The following FRMPD1 variants were observed in gnomAD, a reference collection of about 807,000 sequenced individuals.
FRMPD1 encodes the protein FERM and PDZ domain-containing protein 1.
FRMPD1 carries 76 observed loss-of-function variants against 117.8 expected under a neutral mutation model. The observed-to-expected ratio is 0.65, with a 90% CI of 0.54 to 0.78. The LOEUF (loss-of-function observed/expected upper bound fraction) is 0.78. Ranked by LOEUF, FRMPD1 falls within the 30% of genes least tolerant of loss-of-function variation. The pLI is 0.00. For missense variants in FRMPD1, 1,786 were observed against 1,964.5 expected, an observed-to-expected ratio of 0.91 and a Z score of 1.72; for synonymous variants, 783 against 770.4, an observed-to-expected ratio of 1.02 and a Z score of -0.27.
chr9:37,712,833 A>G (rs1822961752), intron 5 of FRMPD1, among the ~76,000 whole-genome samples: 2 of 152,360 alleles, frequency 1.3e-5, no homozygotes, highest in Non-Finnish European at 2.9e-5. Flanking sequence ...AATAAAAATT[A>G]AAATATAAAT....
chr9:37,609,020 G>C, the FRMPD1 span, among the ~76,000 whole-genome samples: 1 of 152,208 alleles, frequency 6.6e-6, no homozygotes, highest in East Asian at 1.9e-4. Context: ...GCCGGGCATG[G>C]TGGCTCACGC....
chr9:37,728,962 C>CA lies in FRMPD1; in HGVS notation c.613-749dup, dbSNP rs34287255. On this transcript the variant is annotated intron_variant, in intron 7 of 15. Transcript: ENST00000377765. ...TGGGCGACAGAGCGAGATTCCGTCTCAAAAAAAAAAAAAAAAAGTTTCACT... is the reference window on the plus strand; with the variant it reads ...TGGGCGACAGAGCGAGATTCCGTCTCAAAAAAAAAAAAAAAAAAGTTTCACT... Among the ~76,000 whole-genome samples the CA allele has an allele frequency of 9.5e-3, 1,042 of 109,544 alleles. 18 individuals carry two copies. Among genetic ancestry groups the CA allele is most frequent in the African/African-American group, 0.031 (884 of 28,092 alleles). 71.9% of individuals were successfully genotyped at this position (109,544 alleles called of 152,430 possible).
intron 6 of FRMPD1, among the ~76,000 whole-genome samples, chr9:37,722,551 G>A (rs939267516): frequency 2.0e-5 from 3 of 152,100 alleles, no homozygotes; most frequent in African/African-American, 7.2e-5. Flanking sequence ...GGGACTATGG[G>A]TGTGTGCCAC....
chr9:37,680,418 A>G (rs191659548), intron 1 of FRMPD1, among the ~76,000 whole-genome samples: 17 of 152,358 alleles, frequency 1.1e-4, no homozygotes. Context: ...CAGCATGATC[A>G]AACCTGTGGT....
intron 13 of FRMPD1, among the ~76,000 whole-genome samples, chr9:37,736,247 C>A (rs1000385937): frequency 1.3e-5 from 2 of 151,768 alleles, no homozygotes; most frequent in Non-Finnish European, 2.9e-5. Context: ...GTGATCCACC[C>A]GCCTTGGCCT....
At chr9:37,736,257 T>C (rs949251696) in intron 13 of FRMPD1, among the ~76,000 whole-genome samples, 1 of 151,778 alleles carries the variant, frequency 6.6e-6, no homozygotes, top group Non-Finnish European at 1.5e-5. Context: ...CGCCTTGGCC[T>C]CCCAAAGTGC....
chr9:37,727,710 G>T (rs1032712179), intron 7 of FRMPD1, among the ~76,000 whole-genome samples: 1 of 151,484 alleles, frequency 6.6e-6, no homozygotes, highest in Middle Eastern at 3.2e-3. Context: ...GTAGTTATGG[G>T]GGGTGATGAA....
At chr9:37,625,951 G>A in the FRMPD1 span, among the ~76,000 whole-genome samples, 7 of 152,252 alleles carry the variant, frequency 4.6e-5, no homozygotes, top group African/African-American at 1.7e-4. Context: ...GGCCGGGAGC[G>A]GCGGCTCACG....
chr9:37,637,963 G>GCTTGCTTGCTTGCTTTCTTT, the FRMPD1 span, among the ~76,000 whole-genome samples: 4 of 100,030 alleles, frequency 4.0e-5, 1 homozygote, highest in Non-Finnish European at 8.2e-5. Context: ...AATGGTGTAT[G>GCTTGCTTGCTTGCTTTCTTT]CTTTCTTTCT....
chr9:37,629,059 C>A, the FRMPD1 span, among the ~76,000 whole-genome samples: 1 of 152,116 alleles, frequency 6.6e-6, no homozygotes, highest in Non-Finnish European at 1.5e-5. Context: ...ATTAGCTAGA[C>A]GTGGTGGCAC....
rs761866137 is a variant in FRMPD1 at position 37,745,555 on chromosome 9, C to T, written c.3523C>T (p.Pro1175Ser). The T allele has an allele frequency of 3.7e-6, 6 of 1,614,034 alleles. No homozygotes were observed. Among genetic ancestry groups the T allele is most frequent in the Non-Finnish European group, 4.2e-6 (5 of 1,179,890 alleles). ...APVTGTEQIP[P>S]HPPRDPQGQS... ...TGTAACAGGGACCGAGCAGATCCCA[C>T]CACATCCCCCTAGAGACCCTCAAGG... The change falls in exon 16 of 16, where the codon CCA (proline) becomes TCA (serine). Residue 1175 changes from proline to serine, a missense_variant. Physicochemically the swap from Pro to Ser is moderately conservative, Grantham distance 74 (BLOSUM62 -1). Transcript: ENST00000377765.
upstream of FRMPD1, among the ~76,000 whole-genome samples, chr9:37,646,778 A>C (rs1215400563): frequency 1.3e-5 from 2 of 152,198 alleles, no homozygotes; most frequent in Non-Finnish European, 2.9e-5. Context: ...GGAACAATAG[A>C]TATGAGGTCA....
the FRMPD1 span, among the ~76,000 whole-genome samples, chr9:37,610,832 C>G: frequency 6.6e-6 from 1 of 152,078 alleles, no homozygotes; most frequent in African/African-American, 2.4e-5. Flanking sequence ...GAACTCCCAA[C>G]CTCAGGTGAT....
chr9:37,636,486 C>T, the FRMPD1 span, among the ~76,000 whole-genome samples: 3 of 152,190 alleles, frequency 2.0e-5, no homozygotes, highest in South Asian at 6.2e-4. Flanking sequence ...GGCCACAGGT[C>T]CTGAGTGTCC....
At chr9:37,717,367 G>A (rs865978945) in intron 5 of FRMPD1, among the ~76,000 whole-genome samples, 312 of 77,382 alleles carry the variant, frequency 4.0e-3, no homozygotes, top group Middle Eastern at 6.8e-3. Context: ...GTGTGTGTGT[G>A]TGTATATATA....
At chr9:37,726,842 C>T (rs1005783952) in intron 7 of FRMPD1, among the ~76,000 whole-genome samples, 1 of 152,042 alleles carries the variant, frequency 6.6e-6, no homozygotes, top group Non-Finnish European at 1.5e-5. Flanking sequence ...GTGCTTAAGA[C>T]CATGAAAGCG....
At chr9:37,664,879 G>A (rs949574936) in intron 1 of FRMPD1, among the ~76,000 whole-genome samples, 1 of 152,166 alleles carries the variant, frequency 6.6e-6, no homozygotes, top group Non-Finnish European at 1.5e-5. Context: ...GATAGCTTTT[G>A]TGGGGGGCAA....
At position 37,740,132 on chromosome 9, in the gene FRMPD1, T is replaced by C. The variant is rs34564160; in HGVS notation, c.1604T>C (p.Val535Ala). The C allele has an allele frequency of 1.9e-6, 3 of 1,613,706 alleles. No individual in the cohort carries two copies. The highest frequency in any genetic ancestry group is 2.7e-5 in the African/African-American group (2 of 74,908). ...GAGGAGTCCTCTGAGGTGGACTGCG[T>C]ACTCGAACCTCTCTCTGACAGGCGC... ...DSEESSEVDC[V>A]LEPLSDRRLV... Residue 535 changes from valine (V) to alanine (A), a missense_variant, in exon 15 of 16, where the codon GTA (valine) becomes GCA (alanine). Physicochemically the swap from Val to Ala is moderately conservative, Grantham distance 64. Coordinates refer to ENST00000377765, the MANE Select transcript of FRMPD1 (RefSeq NM_014907.3). The surrounding 1 kb of genome is among the most constrained non-coding windows in gnomAD (Gnocchi z 4.2).
the FRMPD1 span, among the ~76,000 whole-genome samples, chr9:37,621,073 G>A: frequency 6.6e-6 from 1 of 152,246 alleles, no homozygotes; most frequent in South Asian, 2.1e-4. Context: ...TTGATGGAGA[G>A]GGAAGAAGGG....
Sources: gnomAD v4.1 joint callset for allele counts (sites outside exome capture counted in the v4.1 genomes callset) on GRCh38, gnomAD v4.1.1 for gene constraint, Gnocchi (gnomAD v3.1) non-coding constraint, MANE v1.5 for transcripts, NCBI Gene and HGNC (gene_info 2026-07-23, HGNC 2026-07-21) for gene names.